CAMKMT: variants seen among roughly 807,000 people sequenced by gnomAD.
CAMKMT encodes CaM KMT.
Under a neutral mutation model 48.0 loss-of-function variants are expected in CAMKMT, and 53 were observed. That is an observed-to-expected ratio of 1.10 (90% CI 0.89 to 1.39). The LOEUF (loss-of-function observed/expected upper bound fraction) is 1.39, where lower values mean the gene tolerates loss of function less well. Among genes scored for constraint, CAMKMT ranks in the 40% most tolerant of loss-of-function variants. CAMKMT has a pLI of 0.00. For missense variants in CAMKMT, 428 were observed against 402.7 expected, an observed-to-expected ratio of 1.06 and a Z score of -0.54; for synonymous variants, 165 against 152.3, an observed-to-expected ratio of 1.08 and a Z score of -0.61.
At chr2:44,585,054 G>T (rs1337097707) in intron 3 of CAMKMT, among the ~76,000 whole-genome samples, 1 of 139,832 alleles carries the variant, frequency 7.2e-6, no homozygotes, top group African/African-American at 2.6e-5. Context: ...GACTCCGTCT[G>T]AAAAAAAAAA....
chr2:44,538,677 C>T (rs1666917266), intron 3 of CAMKMT, among the ~76,000 whole-genome samples: 1 of 152,054 alleles, frequency 6.6e-6, no homozygotes, highest in South Asian at 2.1e-4. Flanking sequence ...ACAATATATA[C>T]TGCTAGGGTG....
intron 1 of CAMKMT, among the ~76,000 whole-genome samples, chr2:44,370,410 T>G (rs1314014193): frequency 2.6e-5 from 4 of 152,200 alleles, no homozygotes; most frequent in Non-Finnish European, 1.5e-5. Flanking sequence ...GTAGTTGTGT[T>G]TTTCTAGGAA....
intron 3 of CAMKMT, among the ~76,000 whole-genome samples, chr2:44,518,947 AC>A (rs1251882958): frequency 6.6e-6 from 1 of 152,200 alleles, no homozygotes; most frequent in Non-Finnish European, 1.5e-5. Flanking sequence ...GTATATACCT[AC>A]CATAATGATA....
chr2:44,441,376 A>C (rs1011262802), intron 3 of CAMKMT, among the ~76,000 whole-genome samples: 6 of 152,194 alleles, frequency 3.9e-5, no homozygotes, highest in African/African-American at 1.4e-4. Flanking sequence ...TTACAGGTTC[A>C]CAGTGATGAC....
chr2:44,447,196 A>G (rs1249295431), intron 3 of CAMKMT, among the ~76,000 whole-genome samples: 2 of 152,192 alleles, frequency 1.3e-5, no homozygotes, highest in African/African-American at 4.8e-5. Flanking sequence ...TGGTTAAGAG[A>G]TTGGCATAGG....
intron 3 of CAMKMT, among the ~76,000 whole-genome samples, chr2:44,700,512 A>T (rs555900162): frequency 6.6e-6 from 1 of 152,238 alleles, no homozygotes; most frequent in Non-Finnish European, 1.5e-5. Context: ...ACACTTAGAG[A>T]CCATTTGTTA....
At chr2:44,607,875 A>G (rs1473577883) in intron 3 of CAMKMT, among the ~76,000 whole-genome samples, 2 of 152,084 alleles carry the variant, frequency 1.3e-5, no homozygotes, top group African/African-American at 2.4e-5. Flanking sequence ...AAAAGTAAAG[A>G]AAATAGTATA....
Position 44,512,393 on chromosome 2 carries a change from C to T in CAMKMT, c.376+122088C>T, listed in dbSNP as rs142819957. On this transcript the variant is annotated intron_variant, in intron 3 of 10. Transcript: ENST00000378494. ...AGCATAGCACCTGGCATGTTGTAAG[C>T]ATTAAATGAGTGGCAGCCATTATTA... Among the ~76,000 whole-genome samples, 672 of 152,322 alleles carry T rather than the reference C, an allele frequency of 4.4e-3. 7 individuals are homozygous for T. Among genetic ancestry groups the T allele is most frequent in the African/African-American group, 0.015 (628 of 41,578 alleles).
At chr2:44,486,270 G>T (rs886946909) in intron 3 of CAMKMT, among the ~76,000 whole-genome samples, 1 of 152,146 alleles carries the variant, frequency 6.6e-6, no homozygotes. Context: ...TCTGACCTGG[G>T]TGTGTTCACT....
intron 3 of CAMKMT, among the ~76,000 whole-genome samples, chr2:44,517,691 C>T (rs1670903836): frequency 6.6e-6 from 1 of 152,056 alleles, no homozygotes; most frequent in Non-Finnish European, 1.5e-5. Flanking sequence ...AATTGGTAAC[C>T]CTAAGAGAAA....
At chr2:44,456,523 C>T (rs1667571122) in intron 3 of CAMKMT, 3 of 1,544,168 alleles carry the variant, frequency 1.9e-6, no homozygotes, top group Non-Finnish European at 2.6e-6. Flanking sequence ...GCTTTAACTA[C>T]AGCCAAGTTT....
At chr2:44,672,494 C>G (rs1573041091) in intron 3 of CAMKMT, among the ~76,000 whole-genome samples, 1 of 152,126 alleles carries the variant, frequency 6.6e-6, no homozygotes, top group African/African-American at 2.4e-5. Context: ...CATTTGTACC[C>G]CAACTATTTG....
At chr2:44,390,436 T>G in intron 3 of CAMKMT, 131 bp downstream of exon 3, 2 of 611,114 alleles carry the variant, frequency 3.3e-6, no homozygotes, top group East Asian at 6.5e-5. Flanking sequence ...TAATAGAAAG[T>G]TTGACTGTCT....
At chr2:44,710,495 C>T (rs924857408) in intron 6 of CAMKMT, among the ~76,000 whole-genome samples, 2 of 152,136 alleles carry the variant, frequency 1.3e-5, no homozygotes, top group Non-Finnish European at 2.9e-5. Flanking sequence ...CTGAGAGCTG[C>T]TCTTCCCTAC....
intron 3 of CAMKMT, among the ~76,000 whole-genome samples, chr2:44,391,330 C>T (rs1681317932): frequency 6.6e-6 from 1 of 151,998 alleles, no homozygotes; most frequent in South Asian, 2.1e-4. Flanking sequence ...ATGTAGGTTT[C>T]TTTTTTATGG....
chr2:44,711,290 A>T (rs546615560), intron 6 of CAMKMT, among the ~76,000 whole-genome samples: 1 of 152,188 alleles, frequency 6.6e-6, no homozygotes, highest in Admixed American at 6.6e-5. Context: ...AATTCAACCA[A>T]TATTAATGGC....
intron 3 of CAMKMT, among the ~76,000 whole-genome samples, chr2:44,486,994 G>T (rs974850392): frequency 1.3e-5 from 2 of 152,164 alleles, no homozygotes; most frequent in African/African-American, 4.8e-5. Context: ...AGATAGATTT[G>T]ATCATTTTGG....
chr2:44,635,312 T>A (rs774656127), intron 3 of CAMKMT, among the ~76,000 whole-genome samples: 1 of 152,172 alleles, frequency 6.6e-6, no homozygotes, highest in Non-Finnish European at 1.5e-5. Flanking sequence ...GGCTAGTTAT[T>A]GTTATGAAAG....
At chr2:44,510,680 C>A (rs777111124) in intron 3 of CAMKMT, among the ~76,000 whole-genome samples, 34 of 152,144 alleles carry the variant, frequency 2.2e-4, no homozygotes, top group Non-Finnish European at 4.0e-4. Context: ...CAATAGTTTT[C>A]GGGGTACAGA....
Sources: allele counts gnomAD v4.1 joint callset (sites outside exome capture counted in the v4.1 genomes callset), GRCh38; gene constraint gnomAD v4.1.1; transcripts MANE v1.5; gene names NCBI Gene and HGNC (gene_info 2026-07-23, HGNC 2026-07-21).